USP40: variants seen among roughly 807,000 people sequenced by gnomAD.
USP40 encodes the protein ubiquitin specific peptidase 40.
In USP40, 143 loss-of-function variants were observed where a neutral mutation model predicts 166.2. The ratio of observed to expected loss-of-function variants is 0.86; its 90% CI spans 0.75 to 0.99. USP40 has a LOEUF of 0.99. USP40 is among the 50% of genes least tolerant of loss of function. The probability of loss-of-function intolerance (pLI) is 0.00; values close to 1 mark genes in which losing one functional copy is unlikely to be tolerated. For synonymous variants in USP40, 498 were observed against 524.0 expected (o/e 0.95, Z 0.68); for missense variants, 1,444 against 1,479.7 (o/e 0.98, Z 0.40).
rs1470864 is a variant in USP40 at position 233,485,683 on chromosome 2, C to T, written c.3409-57G>A. On this transcript the variant is annotated intron_variant, in intron 29 of 31. Coordinates refer to ENST00000678225, the MANE Select transcript of USP40 (RefSeq NM_001365479.2). ...AAACTCAACCTCAAGTTCTCACTAA[C>T]TTCTCTATCACTGTGAAAAATTGCA... 29 of 1,601,048 alleles carry T rather than the reference C, an allele frequency of 1.8e-5. No individual in the cohort carries two copies. The South Asian group carries it at 2.8e-4, about 15-fold the overall frequency.
At chr2:233,562,845 T>C in intron 2 of USP40, 42 bp from the exon 3 acceptor site, 2 of 1,454,062 alleles carry the variant, frequency 1.4e-6, no homozygotes, top group Non-Finnish European at 1.8e-6. Flanking sequence ...TGACATCATT[T>C]CATTTTAAAA....
At chr2:233,485,456 C>A in intron 30 of USP40, 75 bp downstream of exon 30, 1 of 1,144,356 alleles carries the variant, frequency 8.7e-7, no homozygotes. Flanking sequence ...CTTGAAGATT[C>A]AATAAAACGT....
Position 233,485,530 on chromosome 2 carries a change from C to A in USP40, c.3504+1G>T. On this transcript the variant is annotated splice_donor_variant, in intron 30 of 31. Coordinates refer to ENST00000678225, the MANE Select transcript of USP40 (RefSeq NM_001365479.2). LOFTEE classifies it high-confidence loss of function. ...GGTAAATTTGCTGTTAAACAACTTA[C>A]CTTAACACCAATAGTATCTCCGTCT... The A allele has an allele frequency of 6.2e-7, 1 of 1,612,706 alleles. No individual in the cohort carries two copies. Among genetic ancestry groups the A allele is most frequent in the Non-Finnish European group, 8.5e-7 (1 of 1,179,014 alleles).
chr2:233,562,409 T>C (rs2071717450), intron 3 of USP40, among the ~76,000 whole-genome samples: 1 of 151,176 alleles, frequency 6.6e-6, no homozygotes, highest in South Asian at 2.1e-4. Flanking sequence ...GTTCATGTCC[T>C]TTGTAGGGAC....
chr2:233,489,560 T>C lies in USP40; in HGVS notation c.3013-77A>G, dbSNP rs369102303. ...AACATACTGTTTTAGAAAAAAAAAA[T>C]GAAGCACTACACAGTGGCATCTCAA... On this transcript the variant is annotated intron_variant, in intron 26 of 31. Transcript: ENST00000678225. 2.5e-4 allele frequency: 269 copies of C among 1,055,138 alleles called. No individual in the cohort carries two copies. The African/African-American group carries it at 3.5e-3, about 14-fold the overall frequency. The allele number at this position is 1,055,138 out of a possible 1,614,324, so 65.4% of individuals were successfully genotyped here. A position where few individuals can be genotyped will look rare whatever the true frequency, so the allele number is the denominator to read the frequency against.
At chr2:233,494,348 TG>T (rs1401227625) in intron 24 of USP40, among the ~76,000 whole-genome samples, 4 of 152,158 alleles carry the variant, frequency 2.6e-5, no homozygotes, top group Non-Finnish European at 5.9e-5. Context: ...CTTGAACATT[TG>T]TAAGTTGGTA....
chr2:233,481,041 G>A (rs2064547389), intron 31 of USP40, among the ~76,000 whole-genome samples, 162 bp downstream of exon 31: 1 of 152,186 alleles, frequency 6.6e-6, no homozygotes, highest in African/African-American at 2.4e-5. Flanking sequence ...CTCAAGGAGA[G>A]GAAAGAACGC....
rs1160230122 is a variant in USP40 at position 233,521,043 on chromosome 2, C to T, written c.2273G>A (p.Cys758Tyr). Residue 758 changes from cysteine (C) to tyrosine (Y), a missense_variant, in exon 17 of 32, where the codon TGC becomes TAC. Coordinates refer to ENST00000678225, the MANE Select transcript of USP40 (RefSeq NM_001365479.2). ...EIDWLHVKNL[C>Y]QLESEEKQVK... is the part of the protein sequence containing the mutation. ...TTGCTTCTCTTCAGATTCTAACTGGCATAAATTTTTAACGTGGAGCCAGTC... is the reference window on the plus strand; with the variant it reads ...TTGCTTCTCTTCAGATTCTAACTGGTATAAATTTTTAACGTGGAGCCAGTC... 5.6e-6 allele frequency: 9 copies of T among 1,613,520 alleles called. No individual in the cohort carries two copies. The highest frequency in any genetic ancestry group is 7.6e-6 in the Non-Finnish European group (9 of 1,179,648).
intron 8 of USP40, among the ~76,000 whole-genome samples, chr2:233,548,700 G>C (rs1408083189): frequency 6.6e-6 from 1 of 152,094 alleles, no homozygotes; most frequent in African/African-American, 2.4e-5. Flanking sequence ...CAATGCTCAC[G>C]TAAGATAACA....
At chr2:233,500,044 T>G (rs765990199) in intron 21 of USP40, 129 bp from the exon 22 acceptor site, 7 of 681,562 alleles carry the variant, frequency 1.0e-5, no homozygotes, top group South Asian at 7.8e-5. Flanking sequence ...TAGGCAAGGA[T>G]AGACATAGTT....
chr2:233,497,663 A>G (rs1371887129), intron 23 of USP40, among the ~76,000 whole-genome samples: 2 of 152,218 alleles, frequency 1.3e-5, no homozygotes, highest in Non-Finnish European at 2.9e-5. Flanking sequence ...CAATTTGGGA[A>G]TTAATAGAGA....
chr2:233,482,762 G>A (rs1448350360), intron 30 of USP40, among the ~76,000 whole-genome samples: 3 of 152,064 alleles, frequency 2.0e-5, no homozygotes, highest in Non-Finnish European at 4.4e-5. Context: ...TCAAACTCCC[G>A]AGTGCAAGTG....
At chr2:233,512,762 A>G (rs2066924241) in intron 18 of USP40, 140 bp from the exon 19 acceptor site, 1 of 396,834 alleles carries the variant, frequency 2.5e-6, no homozygotes, top group Non-Finnish European at 4.4e-6. Context: ...TAATTAGCAG[A>G]AAACTACAGA....
chr2:233,485,426 TA>T, intron 30 of USP40, 104 bp downstream of exon 30: 1 of 915,482 alleles, frequency 1.1e-6, no homozygotes, highest in Non-Finnish European at 1.7e-6. Flanking sequence ...ACAATTTGTA[TA>T]AAATGGGATA....
intron 9 of USP40, among the ~76,000 whole-genome samples, chr2:233,541,468 G>A (rs1016795842): frequency 6.6e-6 from 1 of 152,188 alleles, no homozygotes; most frequent in African/African-American, 2.4e-5. Flanking sequence ...AAGCCAAGGA[G>A]AGAGGCCTCA....
chr2:233,565,544 T>A lies in USP40; in HGVS notation c.11A>T (p.Asp4Val), dbSNP rs889587994. The change falls in exon 2 of 32, where the codon GAC becomes GTC. Residue 4 changes from aspartate (D) to valine (V), a missense_variant. Physicochemically the swap from Asp to Val is radical, Grantham distance 152 (BLOSUM62 -3). Transcript: ENST00000678225. The part of the protein sequence containing the change: MFG[D>V]LFEEEYSTVS... Reference sequence around the variant, plus strand: ...AGTGGAATACTCCTCTTCAAACAGGTCCCCAAACATTGTGAAACTAAATAC... The same window carrying A: ...AGTGGAATACTCCTCTTCAAACAGGACCCCAAACATTGTGAAACTAAATAC... The A allele has an allele frequency of 4.6e-6, 7 of 1,536,982 alleles. No individual in the cohort carries two copies. Among genetic ancestry groups the A allele is most frequent in the Non-Finnish European group, 6.1e-6 (7 of 1,146,786 alleles).
At chr2:233,482,092 C>G (rs1311227437) in intron 30 of USP40, among the ~76,000 whole-genome samples, 6 of 152,214 alleles carry the variant, frequency 3.9e-5, no homozygotes, top group African/African-American at 1.4e-4. Flanking sequence ...GCAGGAGGGT[C>G]TGGCTACTTC....
intron 15 of USP40, among the ~76,000 whole-genome samples, chr2:233,523,821 T>C (rs895842559): frequency 5.9e-5 from 9 of 152,200 alleles, no homozygotes; most frequent in South Asian, 4.1e-4. Context: ...ATTCACTCTC[T>C]ACCTCCAAAC....
chr2:233,542,486 G>C (rs2069513247), intron 8 of USP40, 123 bp from the exon 9 acceptor site: 2 of 588,036 alleles, frequency 3.4e-6, no homozygotes, highest in Non-Finnish European at 5.9e-6. Flanking sequence ...CGAGGCAGAG[G>C]GACTGCTTGA....
Sources: gnomAD v4.1 joint callset for allele counts (sites outside exome capture counted in the v4.1 genomes callset) on GRCh38, gnomAD v4.1.1 for gene constraint, MANE v1.5 for transcripts, NCBI Gene and HGNC (gene_info 2026-07-23, HGNC 2026-07-21) for gene names.